RSRC1: variants seen among roughly 807,000 people sequenced by gnomAD.
RSRC1 encodes arginine and serine rich coiled-coil 1, also known as serine/Arginine-related protein 53.
Under a neutral mutation model 49.1 loss-of-function variants are expected in RSRC1, and 39 were observed. The observed-to-expected ratio is 0.79, with a 90% CI of 0.61 to 1.04. RSRC1 has a LOEUF of 1.04. Among genes scored for constraint, RSRC1 ranks in the 50% least tolerant of loss-of-function variants. RSRC1 has a pLI of 0.00. For missense variants in RSRC1, 388 were observed against 402.4 expected, an observed-to-expected ratio of 0.96 and a Z score of 0.31; for synonymous variants, 143 against 130.8, an observed-to-expected ratio of 1.09 and a Z score of -0.63.
intron 6 of RSRC1, among the ~76,000 whole-genome samples, chr3:158,401,890 T>C (rs1432231086): frequency 1.3e-5 from 2 of 151,976 alleles, no homozygotes; most frequent in African/African-American, 4.8e-5. Flanking sequence ...ACTGAACCTT[T>C]CTGTGTGTAG....
rs958235899 is a variant in RSRC1 at position 158,224,152 on chromosome 3, A to G, written c.494+20907A>G. 9.2e-5 allele frequency among the ~76,000 whole-genome samples: 14 copies of G among 151,842 alleles called. No individual in the cohort carries two copies. In the Admixed American group the frequency reaches 9.2e-4, roughly 10 times the overall value. On this transcript the variant is annotated intron_variant, in intron 4 of 9. Coordinates refer to ENST00000611884, the MANE Select transcript of RSRC1 (RefSeq NM_001271838.2). ...GTACTGAAGTAAGATTTATACATAA[A>G]TGAATTTAATGACTAAATATGTCAC...
rs570012678 is a variant in RSRC1 at position 158,329,827 on chromosome 3, C to G, written c.532-25030C>G. The stretch of plus-strand genomic sequence containing the variant: ...CTTTTGTTTGTCTATGCCCTGCCCC[C>G]AGAGGTGGAGTCTACAGAGGCAGGC... On this transcript the variant is annotated intron_variant, in intron 5 of 9. Transcript: ENST00000611884. 5.9e-5 allele frequency among the ~76,000 whole-genome samples: 9 copies of G among 152,310 alleles called. No homozygotes were observed. The South Asian group carries it at 1.9e-3, about 32-fold the overall frequency.
intron 3 of RSRC1, among the ~76,000 whole-genome samples, chr3:158,162,927 A>G (rs1718319893): frequency 6.6e-6 from 1 of 152,178 alleles, no homozygotes; most frequent in South Asian, 2.1e-4. Flanking sequence ...GGTAAAAAGG[A>G]AGAATAATTT....
At chr3:158,366,611 G>T (rs930482581) in intron 6 of RSRC1, among the ~76,000 whole-genome samples, 1 of 151,738 alleles carries the variant, frequency 6.6e-6, no homozygotes, top group Non-Finnish European at 1.5e-5. Flanking sequence ...TTTTGCTTAG[G>T]ATTGTCTTGG....
intron 7 of RSRC1, among the ~76,000 whole-genome samples, chr3:158,501,485 C>T (rs1422795068): frequency 6.6e-6 from 1 of 150,810 alleles, no homozygotes; most frequent in Non-Finnish European, 1.5e-5. Context: ...TATTGTGTTG[C>T]TGTCTATCTC....
At position 158,221,416 on chromosome 3, in the gene RSRC1, CAT is replaced by C. The variant is rs774877139; in HGVS notation, c.494+18172_494+18173del. Among the ~76,000 whole-genome samples the C allele has an allele frequency of 5.3e-5, 8 of 151,262 alleles. No individual in the cohort carries two copies. The East Asian group carries it at 1.6e-3, about 29-fold the overall frequency. ...GATTCTGCATTAGAGTGATGAGAAA[CAT>C]GGTATGCAGTATGCCGATGCTGCTT... On this transcript the variant is annotated intron_variant, in intron 4 of 9. Transcript: ENST00000611884.
chr3:158,272,991 G>T (rs1725605279), intron 4 of RSRC1, among the ~76,000 whole-genome samples: 1 of 151,864 alleles, frequency 6.6e-6, no homozygotes, highest in South Asian at 2.1e-4. Flanking sequence ...TAAAAGCATT[G>T]TCTTATATAA....
chr3:158,477,812 A>T (rs199958806), intron 7 of RSRC1, among the ~76,000 whole-genome samples: 28,410 of 137,662 alleles, frequency 0.21, 4,727 homozygotes, highest in South Asian at 0.29. Flanking sequence ...ATATATATAT[A>T]TATATATATA....
chr3:158,387,191 G>T (rs1228796711), intron 6 of RSRC1, among the ~76,000 whole-genome samples: 5 of 152,052 alleles, frequency 3.3e-5, no homozygotes, highest in African/African-American at 1.2e-4. Context: ...TGATAAACCT[G>T]TCTCATTTCT....
intron 3 of RSRC1, among the ~76,000 whole-genome samples, chr3:158,162,515 A>T (rs1718292161): frequency 6.6e-6 from 1 of 152,148 alleles, no homozygotes; most frequent in African/African-American, 2.4e-5. Flanking sequence ...TTAAATCCTA[A>T]TCAAATTGGG....
At chr3:158,333,715 A>G (rs1409551166) in intron 5 of RSRC1, among the ~76,000 whole-genome samples, 1 of 152,224 alleles carries the variant, frequency 6.6e-6, no homozygotes, top group Non-Finnish European at 1.5e-5. Flanking sequence ...TAGAAATTAT[A>G]ACTTGGAATA....
chr3:158,352,248 G>A (rs958527178), intron 5 of RSRC1, among the ~76,000 whole-genome samples: 1 of 151,968 alleles, frequency 6.6e-6, no homozygotes, highest in Non-Finnish European at 1.5e-5. Context: ...CGTTAGCCTA[G>A]GCAACAGAGT....
intron 4 of RSRC1, among the ~76,000 whole-genome samples, chr3:158,279,746 G>A (rs1726027944): frequency 6.6e-6 from 1 of 152,150 alleles, no homozygotes; most frequent in Admixed American, 6.5e-5. Flanking sequence ...TATATGCAGT[G>A]GTATTTCAAG....
intron 3 of RSRC1, among the ~76,000 whole-genome samples, chr3:158,147,517 T>C (rs566979266): frequency 7.8e-5 from 11 of 140,682 alleles, no homozygotes; most frequent in Admixed American, 6.1e-4. Flanking sequence ...TAAATTTTCT[T>C]TTTTTTTTAT....
At chr3:158,284,665 G>T (rs1309823493) in intron 4 of RSRC1, among the ~76,000 whole-genome samples, 1 of 150,204 alleles carries the variant, frequency 6.7e-6, no homozygotes, top group African/African-American at 2.5e-5. Context: ...ATTTTTTCAT[G>T]TGGTTTTTGG....
intron 3 of RSRC1, among the ~76,000 whole-genome samples, chr3:158,134,213 G>T (rs561488163): frequency 2.0e-5 from 3 of 152,088 alleles, no homozygotes; most frequent in Non-Finnish European, 4.4e-5. Flanking sequence ...TGTGTGAGAA[G>T]AATATTTTAA....
chr3:158,178,212 C>T (rs889124598), intron 3 of RSRC1, among the ~76,000 whole-genome samples: 7 of 152,102 alleles, frequency 4.6e-5, no homozygotes, highest in African/African-American at 1.2e-4. Flanking sequence ...GATCTCAGCT[C>T]ACTGCAACTT....
At position 158,425,314 on chromosome 3, in the gene RSRC1, T is replaced by C. The variant is rs545864432; in HGVS notation, c.584-35621T>C. On this transcript the variant is annotated intron_variant, in intron 6 of 9. Coordinates refer to ENST00000611884, the MANE Select transcript of RSRC1 (RefSeq NM_001271838.2). The stretch of plus-strand genomic sequence containing the variant: ...TCGTTGATTTCAAAGAACATCTTTA[T>C]TTCTGCCTTCATTTCGTTATGTACC... Among the ~76,000 whole-genome samples, 7 of 152,258 alleles carry C rather than the reference T, an allele frequency of 4.6e-5. No individual in the cohort carries two copies. In the South Asian group the frequency reaches 1.2e-3, roughly 27 times the overall value.
At chr3:158,232,245 T>TA (rs1723007799) in intron 4 of RSRC1, among the ~76,000 whole-genome samples, 1 of 151,960 alleles carries the variant, frequency 6.6e-6, no homozygotes, top group Admixed American at 6.6e-5. Context: ...AAAAGATATA[T>TA]ATTTAAAACC....
Sources: gnomAD v4.1 joint callset for allele counts (sites outside exome capture counted in the v4.1 genomes callset) on GRCh38, gnomAD v4.1.1 for gene constraint, MANE v1.5 for transcripts, NCBI Gene and HGNC (gene_info 2026-07-23, HGNC 2026-07-21) for gene names.